The following RHOC variants were observed in gnomAD, a reference collection of about 807,000 sequenced individuals.
The protein encoded by RHOC is rho-related GTP-binding protein RhoC.
RHOC carries 13 observed loss-of-function variants against 19.5 expected under a neutral mutation model. The ratio of observed to expected loss-of-function variants is 0.67; its 90% CI spans 0.43 to 1.06. The LOEUF (loss-of-function observed/expected upper bound fraction) is 1.06, where lower values mean the gene tolerates loss of function less well. Ranked by LOEUF, RHOC falls within the 50% of genes least tolerant of loss-of-function variation. RHOC has a pLI of 0.00. For missense variants in RHOC, 173 were observed against 256.9 expected, an observed-to-expected ratio of 0.67 and a Z score of 2.23; for synonymous variants, 106 against 97.3, an observed-to-expected ratio of 1.09 and a Z score of -0.52.
At chr1:112,706,484 A>ACCACACACACACACACACCCCCACAC (rs1557780746) in intron 1 of RHOC, among the ~76,000 whole-genome samples, 3 of 15,396 alleles carry the variant, frequency 1.9e-4, no homozygotes, top group Admixed American at 8.6e-4. Context: ...ACACACACAC[A>ACCACACACACACACACACCCCCACAC]CACACACACA....
intron 4 of RHOC, 113 bp downstream of exon 4, chr1:112,702,886 G>A: frequency 7.0e-7 from 1 of 1,434,630 alleles, no homozygotes; most frequent in Non-Finnish European, 9.7e-7. Context: ...CAGGGCCTGA[G>A]TGCTCCCCTG....
At chr1:112,702,884 G>A in intron 4 of RHOC, 115 bp downstream of exon 4, 2 of 1,427,790 alleles carry the variant, frequency 1.4e-6, no homozygotes, top group Non-Finnish European at 1.9e-6. Flanking sequence ...AACAGGGCCT[G>A]AGTGCTCCCC....
chr1:112,702,893 C>T (rs1674705313), intron 4 of RHOC, 106 bp downstream of exon 4: 1 of 1,461,196 alleles, frequency 6.8e-7, no homozygotes, highest in Non-Finnish European at 9.5e-7. Flanking sequence ...TGAGTGCTCC[C>T]CTGCATCCCC....
At chr1:112,703,611 A>C in intron 3 of RHOC, 33 bp downstream of exon 3, 1 of 1,191,622 alleles carries the variant, frequency 8.4e-7, no homozygotes, top group Non-Finnish European at 1.1e-6. Context: ...GCGGGGTCTC[A>C]GGGTGGGGTG....
At chr1:112,704,798 G>A (rs1401175206) in intron 2 of RHOC, 1 of 378,860 alleles carries the variant, frequency 2.6e-6, no homozygotes, top group East Asian at 4.4e-5. Flanking sequence ...GCAACACTGG[G>A]TCACTCAGCC....
At chr1:112,706,513 C>A (rs1396373549) in intron 1 of RHOC, among the ~76,000 whole-genome samples, 28 of 88,232 alleles carry the variant, frequency 3.2e-4, no homozygotes, top group Non-Finnish European at 4.5e-4. Context: ...CACACACACA[C>A]ACACACACAC....
chr1:112,702,740 G>A, intron 4 of RHOC, 47 bp from the exon 5 acceptor site: 7 of 1,611,438 alleles, frequency 4.3e-6, no homozygotes, highest in Middle Eastern at 1.7e-4. Flanking sequence ...ACTTAAGCTA[G>A]AAAGCTCCCC....
chr1:112,706,495 CACACA>C lies in RHOC; in HGVS notation c.-77+578_-77+582del, dbSNP rs1557780835. On this transcript the variant is annotated intron_variant, in intron 1 of 5. Coordinates refer to ENST00000339083, the MANE Select transcript of RHOC (RefSeq NM_175744.5). ...ACACACACACACACACACACACACA[CACACA>C]CACACACACACACACACACACACAC... Among the ~76,000 whole-genome samples, 55 of 36,730 alleles carry C rather than the reference CACACA, an allele frequency of 1.5e-3. 1 individual carries two copies. Among genetic ancestry groups the C allele is most frequent in the Admixed American group, 4.0e-3 (15 of 3,788 alleles). 24.1% of individuals were successfully genotyped at this position (36,730 alleles called of 152,430 possible).
intron 3 of RHOC, 99 bp downstream of exon 3, chr1:112,703,545 G>A: frequency 9.8e-7 from 1 of 1,015,272 alleles, no homozygotes; most frequent in Non-Finnish European, 1.5e-6. Flanking sequence ...GGAGAATGAA[G>A]CAAAGACAGG....
chr1:112,702,292 C>T (rs185929049), intron 5 of RHOC, among the ~76,000 whole-genome samples: 62 of 152,256 alleles, frequency 4.1e-4, no homozygotes, highest in African/African-American at 1.3e-3. Context: ...GCTGTCTCCC[C>T]GAGGGCAGAT....
intron 4 of RHOC, 71 bp downstream of exon 4, chr1:112,702,928 A>G (rs1674707344): frequency 1.3e-6 from 2 of 1,574,880 alleles, no homozygotes; most frequent in Non-Finnish European, 1.7e-6. Flanking sequence ...AGATGACTGA[A>G]GACAGGCCAA....
At position 112,701,536 on chromosome 1, in the gene RHOC, G is replaced by T; in HGVS notation, c.*4C>A. The T allele has an allele frequency of 6.2e-7, 1 of 1,614,112 alleles. No individual in the cohort carries two copies. Among genetic ancestry groups the T allele is most frequent in the Non-Finnish European group, 8.5e-7 (1 of 1,179,974 alleles). The stretch of plus-strand genomic sequence containing the variant: ...GGGGGCATGTAGGAAAGGCCTTGGG[G>T]ATCTCAGAGAATGGGACAGCCCCTC... On this transcript the variant is annotated 3_prime_UTR_variant, in exon 6 of 6. Transcript: ENST00000339083.
chr1:112,707,197 C>A (rs1287972939), upstream of RHOC: 2 of 150,054 alleles, frequency 1.3e-5, no homozygotes, highest in Non-Finnish European at 3.0e-5. Flanking sequence ...GGGGGAGGGT[C>A]GGCCGGGGGC....
intron 1 of RHOC, among the ~76,000 whole-genome samples, chr1:112,706,430 TACACACACAC>T (rs149206424): frequency 0.038 from 1,904 of 49,532 alleles, 335 homozygotes; most frequent in South Asian, 0.084. Context: ...TCTCTCTCTC[TACACACACAC>T]ACACACACAC....
At chr1:112,702,912 C>A in intron 4 of RHOC, 87 bp downstream of exon 4, 1 of 1,468,628 alleles carries the variant, frequency 6.8e-7, no homozygotes, top group South Asian at 1.2e-5. Flanking sequence ...CCACCCCCAC[C>A]TCTGAAGATG....
chr1:112,701,164 A>C lies in RHOC; in HGVS notation c.*376T>G. 3.8e-6 allele frequency: 2 copies of C among 525,530 alleles called. No individual in the cohort carries two copies. The highest frequency in any genetic ancestry group is 2.6e-5 in the South Asian group (1 of 38,740). The allele number at this position is 525,530 out of a possible 1,614,324, so 32.6% of individuals were successfully genotyped here. A position where few individuals can be genotyped will look rare whatever the true frequency, so the allele number is the denominator to read the frequency against. ...TGTAGCCTTTATTCATGCCCCCCTG[A>C]CCAAATGCAGTGAGAGACAAGGCCC... On this transcript the variant is annotated 3_prime_UTR_variant, in exon 6 of 6. Coordinates refer to ENST00000339083, the MANE Select transcript of RHOC (RefSeq NM_175744.5).
Position 112,701,712 on chromosome 1 carries a change from T to C in RHOC, c.410A>G (p.Glu137Gly), listed in dbSNP as rs1448612311. 2 of 1,613,582 alleles carry C rather than the reference T, an allele frequency of 1.2e-6. No individual in the cohort carries two copies. Among genetic ancestry groups the C allele is most frequent in the South Asian group, 1.1e-5 (1 of 91,070 alleles). Residue 137 changes from glutamate (E) to glycine (G), a missense_variant and splice_region_variant, in exon 6 of 6, where the codon GAG becomes GGG. By Grantham distance (98) the Glu-to-Gly change is moderately conservative (BLOSUM62 -2). Around this residue, in one of 2 missense-constraint regions of RHOC, gnomAD observed 81 missense variants for 85.8 expected, o/e 0.94. Coordinates refer to ENST00000339083, the MANE Select transcript of RHOC (RefSeq NM_175744.5). ...CCGGCCTTCCTCAGACCGAACGGGC[T>C]CCTGAGAAGACATAAGATGAGGGGT... ...TRRELAKMKQ[E>G]PVRSEEGRDM... is the part of the protein sequence containing the mutation.
chr1:112,706,464 C>CACCACACA (rs71084488), intron 1 of RHOC, among the ~76,000 whole-genome samples: 1 of 23,044 alleles, frequency 4.3e-5, no homozygotes, highest in African/African-American at 2.1e-4. Context: ...CACACACACA[C>CACCACACA]CACACACACA....
intron 4 of RHOC, 61 bp from the exon 5 acceptor site, chr1:112,702,754 G>C: frequency 1.9e-6 from 3 of 1,604,144 alleles, no homozygotes; most frequent in South Asian, 2.2e-5. Flanking sequence ...GCTCCCCTGG[G>C]GGGGCCCTCA....
Sources: allele counts gnomAD v4.1 joint callset (sites outside exome capture counted in the v4.1 genomes callset), GRCh38; gene constraint gnomAD v4.1.1; regional missense constraint gnomAD v4.1.1; transcripts MANE v1.5; gene names NCBI Gene and HGNC (gene_info 2026-07-23, HGNC 2026-07-21).